DNAH7: variants seen among roughly 807,000 people sequenced by gnomAD.
DNAH7 encodes dynein axonemal heavy chain 7, also known as axonemal beta dynein heavy chain 7.
A neutral mutation model predicts 444.6 loss-of-function variants in DNAH7; 397 were observed. That is an observed-to-expected ratio of 0.89 (90% CI 0.82 to 0.97). The LOEUF (loss-of-function observed/expected upper bound fraction) is 0.97. Ranked by LOEUF, DNAH7 falls within the 50% of genes least tolerant of loss-of-function variation. DNAH7 has a pLI of 0.00. For synonymous variants in DNAH7, 1,636 were observed against 1,624.4 expected (o/e 1.01, Z -0.17); for missense variants, 4,902 against 4,800.8 (o/e 1.02, Z -0.62).
chr2:196,050,459 C>A (rs767928946), intron 3 of DNAH7, among the ~76,000 whole-genome samples: 2 of 152,042 alleles, frequency 1.3e-5, no homozygotes, highest in African/African-American at 4.8e-5. Flanking sequence ...CTGAATGTCA[C>A]TGAATACTTA....
rs1359567044 is a variant in DNAH7 at position 195,900,420 on chromosome 2, C to T, written c.4410G>A (p.Gly1470=). The T allele has an allele frequency of 6.2e-7, 1 of 1,613,996 alleles. No homozygotes were observed. Among genetic ancestry groups the T allele is most frequent in the Non-Finnish European group, 8.5e-7 (1 of 1,179,926 alleles). The change falls in exon 28 of 65, where the codon GGG becomes GGA. Residue 1470 remains glycine (G), a synonymous_variant. Transcript: ENST00000312428. Reference sequence around the variant, plus strand: ...CAGACAGTGGTCGAGCAGTGACAAACCCACAGGAGTATAGGACTATTTCAG... The same window carrying T: ...CAGACAGTGGTCGAGCAGTGACAAATCCACAGGAGTATAGGACTATTTCAG... ...MIAEIVLYSC[G]FVTARPLSVK...
rs541573483 is a variant in DNAH7 at position 195,995,075 on chromosome 2, A to C, written c.1353+5629T>G. The stretch of plus-strand genomic sequence containing the variant: ...CTCCCGAGCAGCTGGGACTACAGGC[A>C]CACACCACCATGCCCAGCTAATTTT... On this transcript the variant is annotated intron_variant, in intron 12 of 64. Transcript: ENST00000312428. The C allele has an allele frequency of 1.2e-4, 32 of 258,690 alleles. 1 individual carries two copies. In the East Asian group the frequency reaches 3.6e-3, roughly 29 times the overall value. The allele number at this position is 258,690 out of a possible 1,614,324, so 16.0% of individuals were successfully genotyped here.
chr2:195,986,830 T>C (rs1246274191), intron 14 of DNAH7, among the ~76,000 whole-genome samples: 1 of 152,196 alleles, frequency 6.6e-6, no homozygotes, highest in Non-Finnish European at 1.5e-5. Context: ...AAATACACAT[T>C]TTAATACCAC....
chr2:195,896,710 G>C (rs1252303165), intron 29 of DNAH7, among the ~76,000 whole-genome samples: 1 of 152,146 alleles, frequency 6.6e-6, no homozygotes, highest in South Asian at 2.1e-4. Context: ...TGGAAAATCT[G>C]TACAGTGCAC....
At chr2:196,014,188 T>C (rs1694878366) in intron 9 of DNAH7, among the ~76,000 whole-genome samples, 2 of 152,146 alleles carry the variant, frequency 1.3e-5, no homozygotes. Context: ...GGATAGTCCC[T>C]ACAATAACCC....
At chr2:195,918,478 T>C (rs188601214) in intron 24 of DNAH7, among the ~76,000 whole-genome samples, 1 of 152,334 alleles carries the variant, frequency 6.6e-6, no homozygotes, top group East Asian at 1.9e-4. Flanking sequence ...ACAAGAATAT[T>C]TGCAGCAGCT....
At chr2:195,810,415 T>C (rs1696911729) in intron 51 of DNAH7, among the ~76,000 whole-genome samples, 1 of 152,116 alleles carries the variant, frequency 6.6e-6, no homozygotes, top group South Asian at 2.1e-4. Context: ...TTATTATTTA[T>C]TTATTTATTT....
At chr2:195,912,319 C>A (rs1687408017) in intron 24 of DNAH7, among the ~76,000 whole-genome samples, 1 of 152,178 alleles carries the variant, frequency 6.6e-6, no homozygotes, top group Non-Finnish European at 1.5e-5. Context: ...TGCTGACTCA[C>A]AACCGAAAAC....
chr2:195,958,642 T>C (rs1228999151), intron 18 of DNAH7, among the ~76,000 whole-genome samples: 3 of 152,326 alleles, frequency 2.0e-5, no homozygotes, highest in Admixed American at 1.3e-4. Context: ...AAATTTACAA[T>C]AGGTTATCAG....
chr2:195,969,520 G>A (rs1057183337), intron 17 of DNAH7, among the ~76,000 whole-genome samples: 1 of 152,150 alleles, frequency 6.6e-6, no homozygotes, highest in African/African-American at 2.4e-5. Context: ...TGCTTGGTGA[G>A]AGAAAATAAT....
chr2:196,043,283 C>T (rs1469366325), intron 5 of DNAH7, among the ~76,000 whole-genome samples: 1 of 151,596 alleles, frequency 6.6e-6, no homozygotes, highest in Non-Finnish European at 1.5e-5. Context: ...TAAAATGTTC[C>T]CCCCAAAAAA....
chr2:195,881,172 A>G (rs1360041046), intron 36 of DNAH7, among the ~76,000 whole-genome samples: 1 of 152,206 alleles, frequency 6.6e-6, no homozygotes. Context: ...CTATGTAACT[A>G]TACTGCCAAA....
chr2:196,011,973 T>A (rs1449935707), intron 10 of DNAH7, among the ~76,000 whole-genome samples: 1 of 152,166 alleles, frequency 6.6e-6, no homozygotes, highest in Non-Finnish European at 1.5e-5. Flanking sequence ...TTACATTAAC[T>A]AAATACTAAT....
Position 195,754,413 on chromosome 2 carries a change from G to A in DNAH7, c.11688C>T (p.Tyr3896=), listed in dbSNP as rs1166034062. The A allele has an allele frequency of 6.2e-7, 1 of 1,613,934 alleles. No homozygotes were observed. The highest frequency in any genetic ancestry group is 1.3e-5 in the African/African-American group (1 of 74,904). Residue 3896 remains tyrosine, a synonymous_variant, in exon 63 of 65, where the codon TAC becomes TAT. Coordinates refer to ENST00000312428, the MANE Select transcript of DNAH7 (RefSeq NM_018897.3). ...ACCCAAGAAGATCAATAGGAATTGT[G>A]TATTTCCTGGCGTAGTTCTGCTGGG... ...TGAQQNYARK[Y]TIPIDLLGFD... is the part of the protein sequence containing the mutation.
intron 63 of DNAH7, 184 bp from the exon 64 acceptor site, chr2:195,741,053 T>C: frequency 6.7e-6 from 2 of 296,990 alleles, no homozygotes; most frequent in Non-Finnish European, 1.2e-5. Flanking sequence ...CATTGAAACT[T>C]TGCCTAGTGA....
chr2:195,808,859 CCACT>C lies in DNAH7; in HGVS notation c.9902_9905del (p.Glu3301GlyfsTer5). 1 of 1,613,234 alleles carries C rather than the reference CCACT, an allele frequency of 6.2e-7. No homozygotes were observed. The highest frequency in any genetic ancestry group is 8.5e-7 in the Non-Finnish European group (1 of 1,179,682). On this transcript the variant is annotated frameshift_variant, in exon 53 of 65. Coordinates refer to ENST00000312428, the MANE Select transcript of DNAH7 (RefSeq NM_018897.3). LOFTEE classifies it high-confidence loss of function. ...CAATGCCACCAGTTAGCAGAAATCT[CCACT>C]CAGCTTTATTAATCTTTGGAAAACA... is the stretch of plus-strand genomic sequence containing the variant.
intron 51 of DNAH7, 149 bp downstream of exon 51, chr2:195,816,479 A>T: frequency 1.6e-6 from 1 of 620,624 alleles, no homozygotes; most frequent in Non-Finnish European, 2.8e-6. Context: ...TAACCCCCAT[A>T]TTTACTTCTG....
At position 195,872,374 on chromosome 2, in the gene DNAH7, G is replaced by A. The variant is rs931195582; in HGVS notation, c.6509C>T (p.Thr2170Ile). The A allele has an allele frequency of 1.9e-6, 3 of 1,613,890 alleles. No individual in the cohort carries two copies. Among genetic ancestry groups the A allele is most frequent in the Non-Finnish European group, 2.5e-6 (3 of 1,179,832 alleles). ...GAACAAGTAGTGAGATTTAGCTGGAGTAGGCAAGAGATTCTTCATTGCTTC... is the reference window on the plus strand; with the variant it reads ...GAACAAGTAGTGAGATTTAGCTGGAATAGGCAAGAGATTCTTCATTGCTTC... ...YKEAMKNLLP[T>I]PAKSHYLFNL... is the part of the protein sequence containing the mutation. Residue 2170 changes from threonine (T) to isoleucine (I), a missense_variant, in exon 40 of 65, where the codon ACT (threonine) becomes ATT (isoleucine). By Grantham distance (89) the Thr-to-Ile change is moderately conservative (BLOSUM62 -1). Coordinates refer to ENST00000312428, the MANE Select transcript of DNAH7 (RefSeq NM_018897.3).
At chr2:195,764,287 T>C (rs1694473862) in intron 61 of DNAH7, among the ~76,000 whole-genome samples, 1 of 152,112 alleles carries the variant, frequency 6.6e-6, no homozygotes, top group African/African-American at 2.4e-5. Flanking sequence ...AGTATCATAC[T>C]GCATGGAGAA....
Sources: allele counts gnomAD v4.1 joint callset (sites outside exome capture counted in the v4.1 genomes callset), GRCh38; gene constraint gnomAD v4.1.1; transcripts MANE v1.5; gene names NCBI Gene and HGNC (gene_info 2026-07-23, HGNC 2026-07-21).